The following RPS6KA2 variants were observed in gnomAD, a reference collection of about 807,000 sequenced individuals.
RPS6KA2 encodes the protein ribosomal protein S6 kinase A2, also known as ribosomal protein S6 kinase alpha-2.
Under a neutral mutation model 91.8 loss-of-function variants are expected in RPS6KA2, and 42 were observed. The ratio of observed to expected loss-of-function variants is 0.46; its 90% CI spans 0.36 to 0.59. The LOEUF (loss-of-function observed/expected upper bound fraction) is 0.59, where lower values mean the gene tolerates loss of function less well. RPS6KA2 is among the 20% of genes least tolerant of loss of function. The probability of loss-of-function intolerance (pLI) is 0.00; values close to 1 mark genes in which losing one functional copy is unlikely to be tolerated. For missense variants in RPS6KA2, 798 were observed against 978.5 expected (o/e 0.82, Z 2.46); for synonymous variants, 414 against 393.6 (o/e 1.05, Z -0.61).
chr6:166,653,451 T>C (rs1321432172), intron 2 of RPS6KA2, among the ~76,000 whole-genome samples: 2 of 152,180 alleles, frequency 1.3e-5, no homozygotes, highest in Non-Finnish European at 2.9e-5. Context: ...ACACAGTTAT[T>C]GAATCAGACA....
chr6:166,593,256 A>C (rs1785415671), intron 1 of RPS6KA2, among the ~76,000 whole-genome samples: 1 of 152,252 alleles, frequency 6.6e-6, no homozygotes, highest in South Asian at 2.1e-4. Flanking sequence ...AAAGAGAAAC[A>C]GAACAGAATA....
intron 2 of RPS6KA2, among the ~76,000 whole-genome samples, chr6:166,802,843 T>A (rs77008297): frequency 6.6e-6 from 1 of 152,138 alleles, no homozygotes; most frequent in Non-Finnish European, 1.5e-5. Context: ...AAGAATTTAC[T>A]TGAATGTAAC....
chr6:166,594,751 T>C lies in RPS6KA2; in HGVS notation c.99+32170A>G, dbSNP rs569389339. On this transcript the variant is annotated intron_variant, in intron 1 of 20. Transcript: ENST00000265678. ...TGCTGGGATTACAGGCGTGAGCCAC[T>C]GCGCCCAGCCCAAACACACAGATTT... 1.7e-4 allele frequency among the ~76,000 whole-genome samples: 26 copies of C among 152,118 alleles called. No homozygotes were observed. In the East Asian group the frequency reaches 2.3e-3, roughly 14 times the overall value.
rs1047615604 is a variant in RPS6KA2 at position 166,494,807 on chromosome 6, G to A, written c.747+3701C>T. On this transcript the variant is annotated intron_variant, in intron 8 of 20. Coordinates refer to ENST00000265678, the MANE Select transcript of RPS6KA2 (RefSeq NM_021135.6). This position sits in a 1 kb window ranked among gnomAD's most constrained non-coding sequence, Gnocchi z 5.1. Reference sequence around the variant, plus strand: ...CAGCACACATCCACCTCCAGGGGACGGACGGCCACCCACACATGAGGACCA... The same window carrying A: ...CAGCACACATCCACCTCCAGGGGACAGACGGCCACCCACACATGAGGACCA... 1.3e-5 allele frequency among the ~76,000 whole-genome samples: 2 copies of A among 152,158 alleles called. No homozygotes were observed. Among genetic ancestry groups the A allele is most frequent in the Admixed American group, 1.3e-4 (2 of 15,282 alleles).
At chr6:166,654,538 G>A (rs6909011) in intron 2 of RPS6KA2, among the ~76,000 whole-genome samples, 1 of 152,068 alleles carries the variant, frequency 6.6e-6, no homozygotes, top group Non-Finnish European at 1.5e-5. Flanking sequence ...AGTACACAAT[G>A]TCCCCAGTTT....
At chr6:166,422,414 C>T (rs1237512588) in intron 17 of RPS6KA2, among the ~76,000 whole-genome samples, 1 of 152,138 alleles carries the variant, frequency 6.6e-6, no homozygotes, top group Non-Finnish European at 1.5e-5. Context: ...CCTGGCTGCT[C>T]GCTTGACTCC....
intron 1 of RPS6KA2, among the ~76,000 whole-genome samples, chr6:166,617,578 G>A (rs906038268): frequency 2.6e-5 from 4 of 152,162 alleles, no homozygotes; most frequent in African/African-American, 9.7e-5. Flanking sequence ...TTACGCGACG[G>A]TTTTAATGAC....
At position 166,701,372 on chromosome 6, in the gene RPS6KA2, T is replaced by C. The variant is rs1789514468; in HGVS notation, c.123+156828A>G. 11 of 1,424,378 alleles carry C rather than the reference T, an allele frequency of 7.7e-6. No homozygotes were observed. The Admixed American group carries it at 1.7e-4, about 22-fold the overall frequency. The allele number at this position is 1,424,378 out of a possible 1,614,324, so 88.2% of individuals were successfully genotyped here. On this transcript the variant is annotated intron_variant, in intron 2 of 21. Coordinates refer to the RPS6KA2 transcript ENST00000503859. Reference sequence around the variant, plus strand: ...TGGCACTCTGATATGAGCTTCAAGTTTCACCTCTTCTTTAGGACTAACGAA... The same window carrying C: ...TGGCACTCTGATATGAGCTTCAAGTCTCACCTCTTCTTTAGGACTAACGAA...
At chr6:166,484,599 G>A (rs1781343663) in intron 10 of RPS6KA2, among the ~76,000 whole-genome samples, 2 of 152,192 alleles carry the variant, frequency 1.3e-5, no homozygotes, top group African/African-American at 4.8e-5. Context: ...ATTCCAGGAG[G>A]TGTTGTAGCC....
chr6:166,576,781 G>C (rs1022562282), intron 1 of RPS6KA2, among the ~76,000 whole-genome samples: 4 of 152,196 alleles, frequency 2.6e-5, no homozygotes, highest in Non-Finnish European at 4.4e-5. Flanking sequence ...AATTCAAGCC[G>C]GTTGAGGAAA....
intron 2 of RPS6KA2, among the ~76,000 whole-genome samples, chr6:166,653,261 A>G (rs1787915533): frequency 6.6e-6 from 1 of 152,198 alleles, no homozygotes; most frequent in African/African-American, 2.4e-5. Flanking sequence ...GGGTTTCACC[A>G]TGTTGGCCAG....
At chr6:166,440,798 A>G (rs1352251137) in intron 14 of RPS6KA2, among the ~76,000 whole-genome samples, 1 of 152,258 alleles carries the variant, frequency 6.6e-6, no homozygotes, top group Non-Finnish European at 1.5e-5. Flanking sequence ...TGCAAAAATA[A>G]TAATAAAAGT....
intron 1 of RPS6KA2, among the ~76,000 whole-genome samples, chr6:166,574,537 A>AC (rs1437573318): frequency 6.6e-6 from 1 of 152,126 alleles, no homozygotes; most frequent in Non-Finnish European, 1.5e-5. Context: ...TATGTACCAC[A>AC]TTTTCTTTGT....
At chr6:166,515,994 C>T (rs983357991) in intron 3 of RPS6KA2, among the ~76,000 whole-genome samples, 10 of 152,210 alleles carry the variant, frequency 6.6e-5, no homozygotes, top group Non-Finnish European at 1.2e-4. Context: ...CCAACCTTTC[C>T]GGACTGAACC....
At chr6:166,783,824 ATG>A (rs1778844386) in intron 2 of RPS6KA2, among the ~76,000 whole-genome samples, 1 of 85,190 alleles carries the variant, frequency 1.2e-5, no homozygotes, top group African/African-American at 3.5e-5. Flanking sequence ...GTAACCACAT[ATG>A]CACACGTGCA....
chr6:166,633,311 T>G (rs193159029), intron 2 of RPS6KA2, among the ~76,000 whole-genome samples: 2 of 152,302 alleles, frequency 1.3e-5, no homozygotes, highest in East Asian at 3.9e-4. Context: ...AGGGGTGAGT[T>G]TCTTCTTCTA....
intron 3 of RPS6KA2, among the ~76,000 whole-genome samples, chr6:166,523,444 C>T (rs1372520949): frequency 6.6e-6 from 1 of 152,134 alleles, no homozygotes; most frequent in African/African-American, 2.4e-5. Flanking sequence ...GGCCTGGGGA[C>T]CCCAGGAGTT....
chr6:166,576,952 G>GCAC (rs200826666), intron 1 of RPS6KA2, among the ~76,000 whole-genome samples: 10,279 of 152,242 alleles, frequency 0.068, 668 homozygotes, highest in East Asian at 0.24. Flanking sequence ...AGAGCTGTGT[G>GCAC]CAGCCTAGGG....
intron 1 of RPS6KA2, among the ~76,000 whole-genome samples, chr6:166,597,180 A>G (rs1785562593): frequency 6.6e-6 from 1 of 152,264 alleles, no homozygotes; most frequent in South Asian, 2.1e-4. Flanking sequence ...AGAGAGGGGC[A>G]CAGGTGGCTG....
Sources: gnomAD v4.1 joint callset for allele counts (sites outside exome capture counted in the v4.1 genomes callset) on GRCh38, gnomAD v4.1.1 for gene constraint, Gnocchi (gnomAD v3.1) non-coding constraint, MANE v1.5 for transcripts, NCBI Gene and HGNC (gene_info 2026-07-23, HGNC 2026-07-21) for gene names.